ART4: variants seen among roughly 807,000 people sequenced by gnomAD.
The protein encoded by ART4 is ecto-ADP-ribosyltransferase 4.
A neutral mutation model predicts 24.2 loss-of-function variants in ART4; 14 were observed. The ratio of observed to expected loss-of-function variants is 0.58; its 90% CI spans 0.38 to 0.90. The LOEUF is 0.90. Ranked by LOEUF, ART4 falls within the 40% of genes least tolerant of loss-of-function variation. The pLI is 0.00. For missense variants in ART4, 356 were observed against 366.6 expected (o/e 0.97, Z 0.24); for synonymous variants, 145 against 139.9 (o/e 1.04, Z -0.26).
At position 14,840,731 on chromosome 12, in the gene ART4, C is replaced by A. The variant is rs35806937; in HGVS notation, c.567G>T (p.Thr189=). The change falls in exon 2 of 3, where the codon ACG becomes ACT. Residue 189 remains threonine, a synonymous_variant. Coordinates refer to ENST00000228936, the MANE Select transcript of ART4 (RefSeq NM_021071.4). ...GTLCYEVHYR[T]KDVHFNAYTG... ...TGTAGGCATTAAAGTGGACATCCTT[C>A]GTCCTATAATGCACCTCATAGCACA... 18 of 1,613,980 alleles carry A rather than the reference C, an allele frequency of 1.1e-5. No homozygotes were observed. Among genetic ancestry groups the A allele is most frequent in the Middle Eastern group, 1.6e-4 (1 of 6,068 alleles).
At chr12:14,842,360 C>T (rs925216640) in intron 1 of ART4, among the ~76,000 whole-genome samples, 3 of 152,170 alleles carry the variant, frequency 2.0e-5, no homozygotes, top group Non-Finnish European at 4.4e-5. Flanking sequence ...GATGAGACGT[C>T]AGCTAGTTGT....
Position 14,829,337 on chromosome 12 carries a change from A to AT in ART4, c.*33dup, listed in dbSNP as rs749797269. On this transcript the variant is annotated 3_prime_UTR_variant, in exon 3 of 3. Coordinates refer to ENST00000228936, the MANE Select transcript of ART4 (RefSeq NM_021071.4). ...CCAATAAAAAAGATTTTATTTAAAT[A>AT]TTTTTTTTAAATAAAAGGAGCCACA... 203 of 1,371,740 alleles carry AT rather than the reference A, an allele frequency of 1.5e-4. 1 individual carries two copies. The African/African-American group carries it at 1.7e-3, about 11-fold the overall frequency. 85.0% of individuals were successfully genotyped at this position (1,371,740 alleles called of 1,614,324 possible). A position where few individuals can be genotyped will look rare whatever the true frequency, so the allele number is the denominator to read the frequency against.
intron 2 of ART4, among the ~76,000 whole-genome samples, chr12:14,830,649 G>GTATATATATATA (rs3084548): frequency 2.3e-4 from 6 of 25,948 alleles, no homozygotes; most frequent in Admixed American, 6.0e-4. Context: ...CTGTATGTAT[G>GTATATATATATA]TATATATATA....
rs1359800316 is a variant in ART4, at chr12:14,828,715, C to T, written c.*656G>A. 1 of 152,152 alleles carries T rather than the reference C, an allele frequency of 6.6e-6. No individual in the cohort carries two copies. The highest frequency in any genetic ancestry group is 1.9e-4 in the East Asian group (1 of 5,196). 9.4% of individuals were successfully genotyped at this position (152,152 alleles called of 1,614,324 possible). A position where few individuals can be genotyped will look rare whatever the true frequency, so the allele number is the denominator to read the frequency against. On this transcript the variant is annotated 3_prime_UTR_variant, in exon 3 of 3. Coordinates refer to ENST00000228936, the MANE Select transcript of ART4 (RefSeq NM_021071.4). ...CTAATTCAAATTATGCAAGCAAAAA[C>T]ATAAATTATTGATTTATGTAATGAA...
At chr12:14,835,374 G>C (rs545590030) in intron 2 of ART4, among the ~76,000 whole-genome samples, 2 of 152,172 alleles carry the variant, frequency 1.3e-5, no homozygotes, top group South Asian at 4.1e-4. Context: ...CTTCCTCCCT[G>C]TTAAGGATCC....
Position 14,841,059 on chromosome 12 carries a change from C to T in ART4, c.239G>A (p.Gly80Glu), listed in dbSNP as rs750017545. The part of the protein sequence containing the change: ...SKQVMEKLTQ[G>E]DYFTKDIEAQ... ...TTCTATGTCTTTTGTGAAATAATCC[C>T]CTTGAGTTAGTTTCTCCATAACCTG... Residue 80 changes from glycine (G) to glutamate (E), a missense_variant, in exon 2 of 3, where the codon GGG becomes GAG. By Grantham distance (98) the Gly-to-Glu change is moderately conservative. Coordinates refer to ENST00000228936, the MANE Select transcript of ART4 (RefSeq NM_021071.4). The T allele has an allele frequency of 1.2e-6, 2 of 1,614,150 alleles. No homozygotes were observed. The highest frequency in any genetic ancestry group is 2.7e-5 in the African/African-American group (2 of 75,020).
Position 14,829,515 on chromosome 12 carries a change from A to G in ART4, c.854-53T>C. 7 of 1,296,376 alleles carry G rather than the reference A, an allele frequency of 5.4e-6. 1 individual carries two copies. The South Asian group carries it at 9.0e-5, about 17-fold the overall frequency. 80.3% of individuals were successfully genotyped at this position (1,296,376 alleles called of 1,614,324 possible). A position where few individuals can be genotyped will look rare whatever the true frequency, so the allele number is the denominator to read the frequency against. ...TTTAGGTAGCAGAGTTTTTTTTAAAACTACCTCATCTATCCATTGATCCAC... is the reference window on the plus strand; with the variant it reads ...TTTAGGTAGCAGAGTTTTTTTTAAAGCTACCTCATCTATCCATTGATCCAC... On this transcript the variant is annotated intron_variant, in intron 2 of 2. Coordinates refer to ENST00000228936, the MANE Select transcript of ART4 (RefSeq NM_021071.4).
In ART4 at chr12:14,843,383, A is replaced by G. The variant is rs1863088218; in HGVS notation, c.-270T>C. 1 of 324,410 alleles carries G rather than the reference A, an allele frequency of 3.1e-6. No individual in the cohort carries two copies. Among genetic ancestry groups the G allele is most frequent in the Admixed American group, 4.3e-5 (1 of 23,394 alleles). 20.1% of individuals were successfully genotyped at this position (324,410 alleles called of 1,614,324 possible). A position where few individuals can be genotyped will look rare whatever the true frequency, so the allele number is the denominator to read the frequency against. ...CTAAAGAGAACCCAAGTTACTTTTCAATTAAAAAAATAAAATCTCTGATCT... is the reference window on the plus strand; with the variant it reads ...CTAAAGAGAACCCAAGTTACTTTTCGATTAAAAAAATAAAATCTCTGATCT... On this transcript the variant is annotated 5_prime_UTR_variant, in exon 1 of 3. Transcript: ENST00000228936.
Position 14,829,412 on chromosome 12 carries a change from A to C in ART4, c.904T>G (p.Phe302Val), listed in dbSNP as rs1950379122. The C allele has an allele frequency of 9.9e-6, 16 of 1,608,862 alleles. No homozygotes were observed. Among genetic ancestry groups the C allele is most frequent in the African/African-American group, 1.3e-5 (1 of 74,780 alleles). The change falls in exon 3 of 3, where the codon TTT becomes GTT. Residue 302 changes from phenylalanine to valine, a missense_variant. Coordinates refer to ENST00000228936, the MANE Select transcript of ART4 (RefSeq NM_021071.4). The part of the protein sequence containing the change: ...PDPIAIASLS[F>V]LTSVIIFSKS... ...GAAAAGATGATGACACTGGTCAAAA[A>C]GGAGAGAGATGCAATAGCTATAGGA...
At position 14,840,956 on chromosome 12, in the gene ART4, G is replaced by A. The variant is rs1344260233; in HGVS notation, c.342C>T (p.Asn114=). 2 of 1,614,216 alleles carry A rather than the reference G, an allele frequency of 1.2e-6. No homozygotes were observed. The highest frequency in any genetic ancestry group is 1.7e-5 in the Admixed American group (1 of 60,022). ...TAGCCACAGCGTGTGTGGTAGTCAT[G>A]TTCTGGGGTAGAACTTTTCCTTGGT... ...WLNQGKVLPQ[N]MTTTHAVAIL... is the part of the protein sequence containing the mutation. Residue 114 remains asparagine (N), a synonymous_variant, in exon 2 of 3, where the codon AAC becomes AAT. Transcript: ENST00000228936.
In ART4 at chr12:14,841,088, G is replaced by A. The variant is rs1439465727; in HGVS notation, c.210C>T (p.Ser70=). 1 of 1,613,984 alleles carries A rather than the reference G, an allele frequency of 6.2e-7. No homozygotes were observed. Among genetic ancestry groups the A allele is most frequent in the Non-Finnish European group, 8.5e-7 (1 of 1,180,024 alleles). The change falls in exon 2 of 3, where the codon AGC becomes AGT. Residue 70 remains serine (S), a synonymous_variant. Transcript: ENST00000228936. ...GSFDDQYQGC[S]KQVMEKLTQG... ...GAGTTAGTTTCTCCATAACCTGTTT[G>A]CTACAGCCTTGGTACTGATCATCAA...
At chr12:14,834,749 A>G (rs1222688986) in intron 2 of ART4, among the ~76,000 whole-genome samples, 2 of 152,354 alleles carry the variant, frequency 1.3e-5, no homozygotes, top group East Asian at 3.9e-4. Flanking sequence ...TCCAATGGGC[A>G]TGAAGACACC....
chr12:14,835,520 C>T (rs190482807), intron 2 of ART4, among the ~76,000 whole-genome samples: 6 of 152,224 alleles, frequency 3.9e-5, no homozygotes, highest in East Asian at 3.9e-4. Flanking sequence ...GATGTTCCTT[C>T]GCTTACTGAT....
At chr12:14,830,762 T>C (rs1414743747) in intron 2 of ART4, among the ~76,000 whole-genome samples, 1 of 142,086 alleles carries the variant, frequency 7.0e-6, no homozygotes, top group African/African-American at 2.6e-5. Context: ...CTGGAGTAGA[T>C]ACAGTAATTT....
At chr12:14,841,946 T>C (rs141183795) in intron 1 of ART4, among the ~76,000 whole-genome samples, 1 of 152,312 alleles carries the variant, frequency 6.6e-6, no homozygotes, top group East Asian at 1.9e-4. Flanking sequence ...TTTTCCCATG[T>C]TACCAGTCAA....
rs1362147402 is a variant in ART4 at position 14,826,632 on chromosome 12, G to A, written c.*2739C>T. ...TCAAATGCTTTTGGCTGACTTTTTA[G>A]CTTCACTGAGTGGCTTCCAATTTCC... On this transcript the variant is annotated 3_prime_UTR_variant, in exon 3 of 3. Transcript: ENST00000228936. The A allele has an allele frequency of 6.6e-6, 1 of 152,218 alleles. No homozygotes were observed. Among genetic ancestry groups the A allele is most frequent in the Non-Finnish European group, 1.5e-5 (1 of 68,054 alleles). The allele number at this position is 152,218 out of a possible 1,614,324, so 9.4% of individuals were successfully genotyped here.
chr12:14,825,975 A>T lies in ART4; in HGVS notation c.*3396T>A, dbSNP rs2137294172. ...GGAGACATACATGTATTTGTTTAATAAAATTACTATAGGACATAAGTACTC... is the reference window on the plus strand; with the variant it reads ...GGAGACATACATGTATTTGTTTAATTAAATTACTATAGGACATAAGTACTC... On this transcript the variant is annotated 3_prime_UTR_variant, in exon 3 of 3. Transcript: ENST00000228936. 6.6e-6 allele frequency: 1 copy of T among 152,356 alleles called. No homozygotes were observed. Among genetic ancestry groups the T allele is most frequent in the South Asian group, 2.1e-4 (1 of 4,830 alleles). 9.4% of individuals were successfully genotyped at this position (152,356 alleles called of 1,614,324 possible). A position where few individuals can be genotyped will look rare whatever the true frequency, so the allele number is the denominator to read the frequency against.
chr12:14,829,108 T>A lies in ART4; in HGVS notation c.*263A>T. The A allele has an allele frequency of 3.7e-6, 1 of 272,314 alleles. No homozygotes were observed. Among genetic ancestry groups the A allele is most frequent in the Admixed American group, 5.1e-5 (1 of 19,656 alleles). The allele number at this position is 272,314 out of a possible 1,614,324, so 16.9% of individuals were successfully genotyped here. ...TGAGTTACAGGCCAATCACAGTCAG[T>A]GGGCTGAGCCAGCTCTGCATCAGTT... On this transcript the variant is annotated 3_prime_UTR_variant, in exon 3 of 3. Transcript: ENST00000228936.
intron 2 of ART4, among the ~76,000 whole-genome samples, chr12:14,831,717 A>C (rs1022885924): frequency 6.6e-6 from 1 of 151,936 alleles, no homozygotes; most frequent in African/African-American, 2.4e-5. Context: ...CCTCAAATTT[A>C]TCTTTCCATC....
Sources: allele counts gnomAD v4.1 joint callset (sites outside exome capture counted in the v4.1 genomes callset), GRCh38; gene constraint gnomAD v4.1.1; transcripts MANE v1.5; gene names NCBI Gene and HGNC (gene_info 2026-07-23, HGNC 2026-07-21).